CEP83: variants seen among roughly 807,000 people sequenced by gnomAD.
The protein encoded by CEP83 is centrosomal protein of 83 kDa.
In CEP83, 70 loss-of-function variants were observed where a neutral mutation model predicts 101.9. That is an observed-to-expected ratio of 0.69 (90% CI 0.57 to 0.84). The LOEUF is 0.84. Among genes scored for constraint, CEP83 ranks in the 40% least tolerant of loss-of-function variants. The pLI, the probability that CEP83 is intolerant of heterozygous loss-of-function variation, is 0.00. For synonymous variants in CEP83, 264 were observed against 267.9 expected, an observed-to-expected ratio of 0.99 and a Z score of 0.14; for missense variants, 715 against 787.2, an observed-to-expected ratio of 0.91 and a Z score of 1.10.
At chr12:94,445,774 A>G (rs147915933) in intron 1 of CEP83, among the ~76,000 whole-genome samples, 3 of 152,212 alleles carry the variant, frequency 2.0e-5, no homozygotes, top group Non-Finnish European at 4.4e-5. Flanking sequence ...AGATGTGCAC[A>G]TTAGATTCAC....
chr12:94,450,824 T>C (rs993082643), intron 1 of CEP83, among the ~76,000 whole-genome samples: 1 of 152,204 alleles, frequency 6.6e-6, no homozygotes, highest in African/African-American at 2.4e-5. Flanking sequence ...CCTACAAACA[T>C]CAGATGTGTT....
chr12:94,428,189 T>G (rs1204016425), intron 2 of CEP83, among the ~76,000 whole-genome samples: 5 of 152,236 alleles, frequency 3.3e-5, no homozygotes, highest in African/African-American at 1.2e-4. Context: ...CCTCAAATGC[T>G]TAGTGTAAAT....
intron 11 of CEP83, among the ~76,000 whole-genome samples, chr12:94,338,935 C>T (rs78941936): frequency 0.045 from 6,897 of 151,768 alleles, 213 homozygotes; most frequent in Non-Finnish European, 0.072. Context: ...TGGCAGGCAG[C>T]TGATATACTG....
Position 94,308,902 on chromosome 12 carries a change from T to G in CEP83, c.2017A>C (p.Arg673=), listed in dbSNP as rs752937890. Residue 673 remains arginine (R), a synonymous_variant, in exon 17 of 17, where the codon AGG becomes CGG. Transcript: ENST00000397809. ...PPHMQEEQHQ[R]ELSLLRKRLE... is the part of the protein sequence containing the mutation. ...CTTTTGCGAAGTAGAGAGAGTTCCC[T>G]TTGATGTTGTTCCTCCTTAAAATGA... 6.2e-7 allele frequency: 1 copy of G among 1,609,942 alleles called. No homozygotes were observed. Among genetic ancestry groups the G allele is most frequent in the South Asian group, 1.1e-5 (1 of 90,990 alleles).
chr12:94,395,148 G>C (rs1158049300), intron 6 of CEP83, among the ~76,000 whole-genome samples: 1 of 151,834 alleles, frequency 6.6e-6, no homozygotes, highest in Non-Finnish European at 1.5e-5. Flanking sequence ...TATAAATTAT[G>C]CTACTATAAA....
At chr12:94,300,171 G>A in the CEP83 span, among the ~76,000 whole-genome samples, 2 of 152,148 alleles carry the variant, frequency 1.3e-5, no homozygotes, top group Admixed American at 1.3e-4. Flanking sequence ...CTAATAGTTG[G>A]GGACAGACAC....
chr12:94,373,192 A>C (rs966254286), intron 8 of CEP83, among the ~76,000 whole-genome samples: 4 of 152,178 alleles, frequency 2.6e-5, no homozygotes, highest in Non-Finnish European at 4.4e-5. Flanking sequence ...ATGGTCTCCT[A>C]AAGCTCCACT....
At chr12:94,449,483 A>G (rs1035650599) in intron 1 of CEP83, among the ~76,000 whole-genome samples, 16 of 152,010 alleles carry the variant, frequency 1.1e-4, no homozygotes, top group African/African-American at 3.9e-4. Context: ...CGGACTGGGC[A>G]TGGTGGCTTA....
chr12:94,329,252 TG>T (rs2059105550), intron 14 of CEP83, among the ~76,000 whole-genome samples: 2 of 152,140 alleles, frequency 1.3e-5, no homozygotes, highest in Admixed American at 1.3e-4. Context: ...TGTAGTGTTT[TG>T]GGGTTTTTTT....
chr12:94,435,666 C>T (rs1311277642), intron 1 of CEP83, among the ~76,000 whole-genome samples: 1 of 152,186 alleles, frequency 6.6e-6, no homozygotes, highest in Non-Finnish European at 1.5e-5. Flanking sequence ...TTGCCACTTC[C>T]TGACTGGAGG....
intron 1 of CEP83, among the ~76,000 whole-genome samples, chr12:94,437,853 G>A (rs1232333318): frequency 6.6e-6 from 1 of 152,146 alleles, no homozygotes; most frequent in Non-Finnish European, 1.5e-5. Flanking sequence ...GCAGCAACTA[G>A]TATGATGAAT....
At chr12:94,382,378 G>C (rs569433556) in intron 6 of CEP83, among the ~76,000 whole-genome samples, 1 of 150,756 alleles carries the variant, frequency 6.6e-6, no homozygotes, top group African/African-American at 2.4e-5. Flanking sequence ...CCTTCTGCTT[G>C]CTTTACTTTT....
chr12:94,317,855 T>C lies in CEP83; in HGVS notation c.1708-4838A>G, dbSNP rs149747073. Among the ~76,000 whole-genome samples the C allele has an allele frequency of 9.1e-4, 139 of 152,276 alleles. 1 individual carries two copies. Among genetic ancestry groups the C allele is most frequent in the East Asian group, 4.8e-3 (25 of 5,184 alleles). On this transcript the variant is annotated intron_variant, in intron 14 of 16. Transcript: ENST00000397809. ...GTTTTAAGTCAGGTAGCATGATGAC[T>C]CCACGTTTTTTGTTGTTGTTGTTTG...
chr12:94,329,275 AT>A (rs201004361), intron 14 of CEP83, among the ~76,000 whole-genome samples: 2 of 150,748 alleles, frequency 1.3e-5, no homozygotes, highest in East Asian at 1.9e-4. Flanking sequence ...TTTAATTATT[AT>A]TTTTTTTTGA....
chr12:94,306,468 C>T (rs1278078620), downstream of CEP83: 1 of 152,076 alleles, frequency 6.6e-6, no homozygotes. Flanking sequence ...CTTTTTAGTG[C>T]TGATTTTTTA....
chr12:94,338,430 A>AAGCACATCC lies in CEP83; in HGVS notation c.1344-2767_1344-2766insGGATGTGCT, dbSNP rs60561480. ...TAACCATACTCAAACAATGAACTGG[A>AAGCACATCC]AGCACAAACGGGGCTTACAAATGCT... On this transcript the variant is annotated intron_variant, in intron 11 of 16. Transcript: ENST00000397809. Among the ~76,000 whole-genome samples, 1,312 of 152,312 alleles carry AAGCACATCC rather than the reference A, an allele frequency of 8.6e-3. 18 individuals carry two copies. Among genetic ancestry groups the AAGCACATCC allele is most frequent in the African/African-American group, 0.03 (1,265 of 41,554 alleles).
Position 94,456,130 on chromosome 12 carries a change from G to GA in CEP83, c.-155+3426dup, listed in dbSNP as rs1481826143. Among the ~76,000 whole-genome samples the GA allele has an allele frequency of 3.3e-5, 5 of 151,908 alleles. No individual in the cohort carries two copies. In the East Asian group the frequency reaches 5.8e-4, roughly 18 times the overall value. ...ATGACCTAGAGAGGGCAGTCCTGAT[G>GA]AAAAAAATATAATTAATAAACTGAT... On this transcript the variant is annotated intron_variant, in intron 1 of 16. Transcript: ENST00000397809.
At chr12:94,282,866 G>C in the CEP83 span, 1 of 155,858 alleles carries the variant, frequency 6.4e-6, no homozygotes, top group Admixed American at 6.2e-5. Context: ...TTGCAATATT[G>C]AGCGATACTT....
chr12:94,414,323 A>G (rs1442319149), intron 2 of CEP83, among the ~76,000 whole-genome samples: 1 of 152,196 alleles, frequency 6.6e-6, no homozygotes, highest in Non-Finnish European at 1.5e-5. Flanking sequence ...CTCATGCTCC[A>G]AAGAAATCTT....
Sources: gnomAD v4.1 joint callset for allele counts (sites outside exome capture counted in the v4.1 genomes callset) on GRCh38, gnomAD v4.1.1 for gene constraint, MANE v1.5 for transcripts, NCBI Gene and HGNC (gene_info 2026-07-23, HGNC 2026-07-21) for gene names.